GNG7: variants seen among roughly 807,000 people sequenced by gnomAD.
The protein encoded by GNG7 is G protein subunit gamma 7, also known as guanine nucleotide-binding protein G(I)/G(S)/G(O) subunit gamma-7.
Under a neutral mutation model 4.0 loss-of-function variants are expected in GNG7, and 1 was observed. The ratio of observed to expected loss-of-function variants is 0.25; its 90% CI spans 0.09 to 1.18. The LOEUF (loss-of-function observed/expected upper bound fraction) is 1.18. Among genes scored for constraint, GNG7 ranks in the 50% most tolerant of loss-of-function variants. GNG7 has a pLI of 0.50. For missense variants in GNG7, 86 were observed against 91.9 expected, an observed-to-expected ratio of 0.94 and a Z score of 0.26; for synonymous variants, 34 against 36.9, an observed-to-expected ratio of 0.92 and a Z score of 0.29.
At chr19:2,577,831 T>C (rs886252844) in intron 2 of GNG7, among the ~76,000 whole-genome samples, 1 of 149,358 alleles carries the variant, frequency 6.7e-6, no homozygotes, top group African/African-American at 2.5e-5. Context: ...TAAAATGTTA[T>C]GGTGTTATTT....
chr19:2,564,632 G>A (rs552175433), intron 2 of GNG7, among the ~76,000 whole-genome samples: 1 of 152,158 alleles, frequency 6.6e-6, no homozygotes, highest in East Asian at 1.9e-4. Flanking sequence ...AGAGGACATG[G>A]CTGTGTGGAG....
In GNG7 at chr19:2,657,347, AAAAAAAAAAAAAAAATATATATATAT is replaced by A. The variant is rs1229182748; in HGVS notation, c.-134-11093_-134-11068del. Among the ~76,000 whole-genome samples, 41 of 18,712 alleles carry A rather than the reference AAAAAAAAAAAAAAAATATATATATAT, an allele frequency of 2.2e-3. 6 individuals carry two copies. The East Asian group carries it at 0.025, about 11-fold the overall frequency. 12.3% of individuals were successfully genotyped at this position (18,712 alleles called of 152,430 possible). A position where few individuals can be genotyped will look rare whatever the true frequency, so the allele number is the denominator to read the frequency against. On this transcript the variant is annotated intron_variant, in intron 1 of 4. Coordinates refer to ENST00000382159, the MANE Select transcript of GNG7 (RefSeq NM_052847.3). Reference sequence around the variant, plus strand: ...AGACCCCGTCTCAATTAAAAAAAAAAAAAAAAAAAAAAAAATATATATATATATATATATATATATATATATATATA... The same window carrying A: ...AGACCCCGTCTCAATTAAAAAAAAAAATATATATATATATATATATATATA...
At position 2,555,782 on chromosome 19, in the gene GNG7, G is replaced by A. The variant is rs116677181; in HGVS notation, c.-77-594C>T. Among the ~76,000 whole-genome samples the A allele has an allele frequency of 1.8e-3, 272 of 152,224 alleles. 1 individual carries two copies. The highest frequency in any genetic ancestry group is 6.4e-3 in the African/African-American group (266 of 41,538). ...CTCCAGGCCCCGGTGATTGGTCTCC[G>A]GGGGTCGGGGCGGTTGGGGCCTTTG... On this transcript the variant is annotated intron_variant, in intron 2 of 4. Transcript: ENST00000382159.
chr19:2,641,656 C>CTT (rs371011913), intron 2 of GNG7, among the ~76,000 whole-genome samples: 1 of 149,588 alleles, frequency 6.7e-6, no homozygotes, highest in Admixed American at 6.7e-5. Flanking sequence ...TGTTAGACTT[C>CTT]TTTTTTTTTT....
intron 2 of GNG7, among the ~76,000 whole-genome samples, chr19:2,599,175 G>T (rs1981125531): frequency 6.6e-6 from 1 of 152,120 alleles, no homozygotes; most frequent in Admixed American, 6.6e-5. Flanking sequence ...GGTGCTTTTT[G>T]AACTGATCAG....
intron 2 of GNG7, among the ~76,000 whole-genome samples, chr19:2,622,072 A>T (rs1196877071): frequency 4.3e-5 from 6 of 140,160 alleles, no homozygotes; most frequent in African/African-American, 1.7e-4. Flanking sequence ...ACCCTCATCA[A>T]CTTTTTTTTT....
intron 1 of GNG7, among the ~76,000 whole-genome samples, chr19:2,691,987 A>G (rs1427386566): frequency 6.6e-6 from 1 of 152,100 alleles, no homozygotes; most frequent in African/African-American, 2.4e-5. Flanking sequence ...TGGAGCCCCC[A>G]GGGGGTGGGG....
At chr19:2,585,018 AGGAGGGAGGGAGGGAC>A (rs2093953968) in intron 2 of GNG7, among the ~76,000 whole-genome samples, 2 of 86,468 alleles carry the variant, frequency 2.3e-5, no homozygotes, top group African/African-American at 5.0e-5. Flanking sequence ...GAAAGAAGGA[AGGAGGGAGGGAGGGAC>A]GGAGGGAGGG....
intron 2 of GNG7, among the ~76,000 whole-genome samples, chr19:2,590,937 TCATC>T (rs887861692): frequency 1.3e-5 from 2 of 151,430 alleles, no homozygotes; most frequent in African/African-American, 4.9e-5. Flanking sequence ...ATCCATTTAC[TCATC>T]CATCCATCCA....
At chr19:2,538,727 A>T (rs759840960) in intron 3 of GNG7, 1 of 460,486 alleles carries the variant, frequency 2.2e-6, no homozygotes, top group South Asian at 1.6e-5. Context: ...ACTGCATTGG[A>T]AGTGCTGATG....
In GNG7 at chr19:2,569,135, G is replaced by A. The variant is rs188605842; in HGVS notation, c.-77-13947C>T. On this transcript the variant is annotated intron_variant, in intron 2 of 4. Coordinates refer to ENST00000382159, the MANE Select transcript of GNG7 (RefSeq NM_052847.3). ...CACATGCATATACCCACAGGTGCGC[G>A]CACACACACACAACTCAGTGAAGGG... 4.4e-4 allele frequency among the ~76,000 whole-genome samples: 67 copies of A among 151,946 alleles called. No individual in the cohort carries two copies. The East Asian group carries it at 6.6e-3, about 15-fold the overall frequency.
intron 3 of GNG7, among the ~76,000 whole-genome samples, chr19:2,520,991 C>T (rs1978305298): frequency 6.6e-6 from 1 of 152,024 alleles, no homozygotes; most frequent in African/African-American, 2.4e-5. Flanking sequence ...CGTGGTGGCT[C>T]ACGCCTGTAA....
intron 2 of GNG7, among the ~76,000 whole-genome samples, chr19:2,596,085 G>A (rs59790223): frequency 9.5e-4 from 145 of 152,312 alleles, no homozygotes; most frequent in African/African-American, 3.2e-3. Context: ...GCGGCCGGGC[G>A]CGGTGGCTCA....
In GNG7 at chr19:2,552,281, C is replaced by T. The variant is rs188316106; in HGVS notation, c.-38+2868G>A. 5.9e-5 allele frequency among the ~76,000 whole-genome samples: 9 copies of T among 152,186 alleles called. No homozygotes were observed. In the East Asian group the frequency reaches 1.6e-3, roughly 26 times the overall value. On this transcript the variant is annotated intron_variant, in intron 3 of 4. Coordinates refer to ENST00000382159, the MANE Select transcript of GNG7 (RefSeq NM_052847.3). ...TCATGCCACTGCACTCCAGACTGGG[C>T]AACAGAGAGAGACTCTGTCTCAAAA...
chr19:2,545,244 C>A (rs1979087220), intron 3 of GNG7, among the ~76,000 whole-genome samples: 1 of 152,086 alleles, frequency 6.6e-6, no homozygotes, highest in Non-Finnish European at 1.5e-5. Context: ...GGGTGGAGGC[C>A]AGGGATACTG....
rs1972670678 is a variant in GNG7, at chr19:2,512,530, C to T, written c.*2492G>A. 8.3e-6 allele frequency: 2 copies of T among 239,548 alleles called. No homozygotes were observed. The highest frequency in any genetic ancestry group is 2.3e-5 in the African/African-American group (1 of 43,118). The allele number at this position is 239,548 out of a possible 1,614,324, so 14.8% of individuals were successfully genotyped here. A position where few individuals can be genotyped will look rare whatever the true frequency, so the allele number is the denominator to read the frequency against. On this transcript the variant is annotated 3_prime_UTR_variant, in exon 5 of 5. Coordinates refer to ENST00000382159, the MANE Select transcript of GNG7 (RefSeq NM_052847.3). The surrounding 1 kb of genome is among the most constrained non-coding windows in gnomAD (Gnocchi z 4.7). ...CAGCCTGTCCTTCCCCTCCCCGAGCCTCAGTTTACCTGGAACGCTCAGCCC... is the reference window on the plus strand; with the variant it reads ...CAGCCTGTCCTTCCCCTCCCCGAGCTTCAGTTTACCTGGAACGCTCAGCCC...
At chr19:2,696,929 C>T (rs572807884) in intron 1 of GNG7, among the ~76,000 whole-genome samples, 6 of 152,098 alleles carry the variant, frequency 3.9e-5, no homozygotes, top group African/African-American at 9.7e-5. Flanking sequence ...CAGTGCTCAC[C>T]GCAACCTCCG....
chr19:2,537,150 C>T (rs899629775), intron 3 of GNG7, among the ~76,000 whole-genome samples: 4 of 151,536 alleles, frequency 2.6e-5, no homozygotes, highest in African/African-American at 9.7e-5. Context: ...GGGGTTTCAC[C>T]GTGTTAGCCA....
rs886957379 is a variant in GNG7 at position 2,553,528 on chromosome 19, CATGTAACATCACATTACATAT to C, written c.-38+1600_-38+1620del. ...TCTCATTACATATATGTACACATTA[CATGTAACATCACATTACATAT>C]ATGTAATATCACATGTAATAAATCA... On this transcript the variant is annotated intron_variant, in intron 3 of 4. Transcript: ENST00000382159. Among the ~76,000 whole-genome samples, 206 of 148,334 alleles carry C rather than the reference CATGTAACATCACATTACATAT, an allele frequency of 1.4e-3. 2 individuals carry two copies. Among genetic ancestry groups the C allele is most frequent in the African/African-American group, 4.8e-3 (194 of 40,750 alleles).
Sources: gnomAD v4.1 joint callset for allele counts (sites outside exome capture counted in the v4.1 genomes callset) on GRCh38, gnomAD v4.1.1 for gene constraint, Gnocchi (gnomAD v3.1) non-coding constraint, MANE v1.5 for transcripts, NCBI Gene and HGNC (gene_info 2026-07-23, HGNC 2026-07-21) for gene names.